Variants in CELF2 observed in about 807,000 individuals in gnomAD.
CELF2 encodes CUGBP Elav-like family member 2, also known as CUG triplet repeat RNA-binding protein 2.
Under a neutral mutation model 62.6 loss-of-function variants are expected in CELF2, and 8 were observed. The observed-to-expected ratio is 0.13, with a 90% CI of 0.07 to 0.23. The LOEUF (loss-of-function observed/expected upper bound fraction) is 0.23. CELF2 is among the 10% of genes least tolerant of loss of function. The pLI, the probability that CELF2 is intolerant of heterozygous loss-of-function variation, is 1.00. For missense variants in CELF2, 333 were observed against 671.0 expected, an observed-to-expected ratio of 0.50 and a Z score of 5.56; for synonymous variants, 258 against 250.0, an observed-to-expected ratio of 1.03 and a Z score of -0.30.
chr10:10,852,786 G>A (rs1215748349), intron 1 of CELF2, among the ~76,000 whole-genome samples: 1 of 152,130 alleles, frequency 6.6e-6, no homozygotes, highest in Non-Finnish European at 1.5e-5. Flanking sequence ...TTCTCAAAAA[G>A]AAAACTTTAA....
At chr10:10,641,434 T>C in the CELF2 span, among the ~76,000 whole-genome samples, 2 of 152,122 alleles carry the variant, frequency 1.3e-5, no homozygotes, top group Non-Finnish European at 2.9e-5. Context: ...ACAGAGGTTT[T>C]TTTTTGTTTT....
the CELF2 span, among the ~76,000 whole-genome samples, chr10:10,698,209 G>C: frequency 8.8e-3 from 1,344 of 152,290 alleles, 23 homozygotes; most frequent in African/African-American, 0.031. Context: ...ATCTATGACA[G>C]AATATTCAGT....
At chr10:10,820,271 A>G (rs1324100314) in intron 1 of CELF2, among the ~76,000 whole-genome samples, 1 of 152,034 alleles carries the variant, frequency 6.6e-6, no homozygotes, top group African/African-American at 2.4e-5. Flanking sequence ...TAATATTAGT[A>G]CTCTTTTCTG....
intron 4 of CELF2, among the ~76,000 whole-genome samples, chr10:11,256,164 G>T (rs2078682498): frequency 6.6e-6 from 1 of 152,202 alleles, no homozygotes; most frequent in African/African-American, 2.4e-5. Context: ...AATCATGTGT[G>T]GCTCTTTAAT....
intron 1 of CELF2, among the ~76,000 whole-genome samples, chr10:10,876,056 C>A (rs1311701262): frequency 6.6e-6 from 1 of 152,178 alleles, no homozygotes; most frequent in African/African-American, 2.4e-5. Context: ...CCTGAGCCAT[C>A]CCAAAGTGTT....
Position 11,315,122 on chromosome 10 carries a change from C to T in CELF2, c.1096+864C>T, listed in dbSNP as rs751706480. Among the ~76,000 whole-genome samples the T allele has an allele frequency of 5.3e-5, 8 of 152,132 alleles. No individual in the cohort carries two copies. The highest frequency in any genetic ancestry group is 8.8e-5 in the Non-Finnish European group (6 of 68,030). On this transcript the variant is annotated intron_variant, in intron 10 of 12. Transcript: ENST00000633077. The surrounding 1 kb of genome is among the most constrained non-coding windows in gnomAD (Gnocchi z 5.8). ...ATAAGTCGTGTTTTAGATTCATGCTCGGTGTGGGTTCCTGTACTGAGGAAA... is the reference window on the plus strand; with the variant it reads ...ATAAGTCGTGTTTTAGATTCATGCTTGGTGTGGGTTCCTGTACTGAGGAAA...
chr10:11,017,913 C>G lies in CELF2; in HGVS notation c.-177C>G, dbSNP rs1235437500. 5.1e-6 allele frequency: 5 copies of G among 980,568 alleles called. No individual in the cohort carries two copies. The highest frequency in any genetic ancestry group is 1.8e-5 in the African/African-American group (1 of 56,730). 60.7% of individuals were successfully genotyped at this position (980,568 alleles called of 1,614,324 possible). On this transcript the variant is annotated 5_prime_UTR_variant, in exon 1 of 13. Coordinates refer to ENST00000633077, the MANE Select transcript of CELF2 (RefSeq NM_001326342.2). This position sits in a 1 kb window ranked among gnomAD's most constrained non-coding sequence, Gnocchi z 5.5. ...CCTGGCGCTCGGCAGCCGGCCGCCC[C>G]GGCGCTGGATTTCGGAGGGGATTGG...
At chr10:10,791,702 G>A in the CELF2 span, among the ~76,000 whole-genome samples, 2,215 of 152,168 alleles carry the variant, frequency 0.015, 27 homozygotes, top group Middle Eastern at 0.027. Context: ...TGGGGAATAC[G>A]TTTTATCACG....
chr10:11,289,090 C>T (rs2092030416), intron 9 of CELF2, among the ~76,000 whole-genome samples: 1 of 152,128 alleles, frequency 6.6e-6, no homozygotes, highest in Non-Finnish European at 1.5e-5. Context: ...AATTTTGTTG[C>T]CTTGTTGTTC....
At chr10:10,505,222 G>A in the CELF2 span, among the ~76,000 whole-genome samples, 1 of 152,086 alleles carries the variant, frequency 6.6e-6, no homozygotes, top group South Asian at 2.1e-4. Flanking sequence ...ATTTCCTAAT[G>A]GAGGGTACTG....
At chr10:10,802,370 T>C (rs1380756636) in intron 1 of CELF2, among the ~76,000 whole-genome samples, 1 of 152,192 alleles carries the variant, frequency 6.6e-6, no homozygotes, top group Non-Finnish European at 1.5e-5. Flanking sequence ...CTCAGGAGGC[T>C]GAGGCAGGAG....
At chr10:11,056,716 T>C (rs1308020598) in intron 1 of CELF2, among the ~76,000 whole-genome samples, 1 of 152,222 alleles carries the variant, frequency 6.6e-6, no homozygotes, top group East Asian at 1.9e-4. Flanking sequence ...GATCAGAGGA[T>C]GCATTTTCAT....
chr10:10,629,045 C>A, the CELF2 span, among the ~76,000 whole-genome samples: 58 of 151,996 alleles, frequency 3.8e-4, no homozygotes, highest in East Asian at 3.9e-4. Flanking sequence ...CAGGGTATTC[C>A]ACTCTCCCTA....
chr10:11,091,371 G>A (rs985298985), intron 1 of CELF2, among the ~76,000 whole-genome samples: 12 of 152,136 alleles, frequency 7.9e-5, no homozygotes, highest in Non-Finnish European at 1.8e-4. Flanking sequence ...GAGAAACATG[G>A]CCTCTTTTAC....
intron 1 of CELF2, among the ~76,000 whole-genome samples, chr10:10,804,797 T>C (rs2131586632): frequency 6.6e-6 from 1 of 152,308 alleles, no homozygotes; most frequent in African/African-American, 2.4e-5. Flanking sequence ...TTCATTTCTG[T>C]CTCTGGCTCA....
chr10:11,296,222 C>G lies in CELF2; in HGVS notation c.976+7670C>G, dbSNP rs958212321. Among the ~76,000 whole-genome samples the G allele has an allele frequency of 1.1e-4, 16 of 152,150 alleles. No individual in the cohort carries two copies. The highest frequency in any genetic ancestry group is 3.9e-4 in the African/African-American group (16 of 41,430). ...TTTTTAACATGTGCAGACATTGACT[C>G]TAATTCTTCACGTATTTGCTTTTTG... On this transcript the variant is annotated intron_variant, in intron 9 of 12. Transcript: ENST00000633077. The surrounding 1 kb of genome is among the most constrained non-coding windows in gnomAD (Gnocchi z 5.0).
At chr10:11,055,555 A>G (rs2065043279) in intron 1 of CELF2, among the ~76,000 whole-genome samples, 1 of 152,242 alleles carries the variant, frequency 6.6e-6, no homozygotes, top group South Asian at 2.1e-4. Context: ...TCATACACTT[A>G]TGAGTGACTG....
At chr10:11,254,700 G>A (rs1359477924) in intron 4 of CELF2, among the ~76,000 whole-genome samples, 1 of 152,196 alleles carries the variant, frequency 6.6e-6, no homozygotes, top group East Asian at 1.9e-4. Flanking sequence ...GACTTGGTGG[G>A]AATTTTTCAT....
At chr10:11,294,648 C>T (rs2092936565) in intron 9 of CELF2, among the ~76,000 whole-genome samples, 1 of 151,978 alleles carries the variant, frequency 6.6e-6, no homozygotes, top group Admixed American at 6.6e-5. Flanking sequence ...CGCAGTGGCT[C>T]ACGCCTGTAA....
Sources: allele counts gnomAD v4.1 joint callset (sites outside exome capture counted in the v4.1 genomes callset), GRCh38; gene constraint gnomAD v4.1.1; non-coding constraint Gnocchi (gnomAD v3.1); transcripts MANE v1.5; gene names NCBI Gene and HGNC (gene_info 2026-07-23, HGNC 2026-07-21).